Variants in ERMAP observed in about 807,000 individuals in gnomAD.
ERMAP encodes the protein erythroblast membrane associated protein (Scianna blood group).
A neutral mutation model predicts 49.5 loss-of-function variants in ERMAP; 34 were observed. The observed-to-expected ratio is 0.69, with a 90% confidence interval of 0.52 to 0.91. ERMAP has a LOEUF of 0.91. Among genes scored for constraint, ERMAP ranks in the 40% least tolerant of loss-of-function variants. ERMAP has a pLI of 0.00. For missense variants in ERMAP, 541 were observed against 582.6 expected (o/e 0.93, Z 0.74); for synonymous variants, 214 against 232.2 (o/e 0.92, Z 0.71).
rs1362727630 is a variant in ERMAP at position 42,825,507 on chromosome 1, CAG to C, written c.-121-115_-121-114del. ...TGTTCTTTTATCAGGGGCATACAGA[CAG>C]GGTGTGGCTTGCTGGTTTACAGGGA... is the stretch of plus-strand genomic sequence containing the variant. On this transcript the variant is annotated intron_variant, in intron 1 of 11. Transcript: ENST00000372517. 12 of 1,186,300 alleles carry C rather than the reference CAG, an allele frequency of 1.0e-5. No homozygotes were observed. In the African/African-American group the frequency reaches 1.9e-4, roughly 19 times the overall value. 73.5% of individuals were successfully genotyped at this position (1,186,300 alleles called of 1,614,324 possible).
intron 2 of ERMAP, among the ~76,000 whole-genome samples, chr1:42,828,787 C>T (rs1654629449): frequency 1.3e-5 from 2 of 152,128 alleles, no homozygotes; most frequent in African/African-American, 2.4e-5. Context: ...CATGAGCTAC[C>T]ATGCCCAGCC....
At chr1:42,831,731 ACTACCATGT>A (rs1654748126) in intron 4 of ERMAP, among the ~76,000 whole-genome samples, 1 of 151,496 alleles carries the variant, frequency 6.6e-6, no homozygotes, top group South Asian at 2.1e-4. Flanking sequence ...CTACACATAC[ACTACCATGT>A]CTGGTTAATT....
At chr1:42,840,948 G>A (rs372696746) in intron 11 of ERMAP, among the ~76,000 whole-genome samples, 1 of 152,214 alleles carries the variant, frequency 6.6e-6, no homozygotes, top group Non-Finnish European at 1.5e-5. Context: ...AATGGGTTGA[G>A]CAGATGCCCC....
rs35932547 is a variant in ERMAP, at chr1:42,839,330, G to C, written c.637+409G>C. 8.3e-3 allele frequency: 1,669 copies of C among 200,696 alleles called. 23 individuals carry two copies. Among genetic ancestry groups the C allele is most frequent in the African/African-American group, 0.037 (1,580 of 43,186 alleles). 12.4% of individuals were successfully genotyped at this position (200,696 alleles called of 1,614,324 possible). On this transcript the variant is annotated intron_variant, in intron 8 of 11. Transcript: ENST00000372517. ...TCTTTTTAACATTAAAAAAAAATCTGGCCAGGTGCAGTGGCTCATGCCTAT... is the reference window on the plus strand; with the variant it reads ...TCTTTTTAACATTAAAAAAAAATCTCGCCAGGTGCAGTGGCTCATGCCTAT...
At chr1:42,840,105 C>A in intron 9 of ERMAP, 47 bp from the exon 10 acceptor site, 1 of 1,614,152 alleles carries the variant, frequency 6.2e-7, no homozygotes, top group Non-Finnish European at 8.5e-7. Flanking sequence ...TCCTGTTGCC[C>A]TAATATTTGC....
At position 42,843,496 on chromosome 1, in the gene ERMAP, A is replaced by G. The variant is rs7552363; in HGVS notation, c.*264A>G. 7.3e-3 allele frequency: 2,633 copies of G among 361,426 alleles called. 69 individuals carry two copies. Among genetic ancestry groups the G allele is most frequent in the African/African-American group, 0.052 (2,477 of 47,684 alleles). The allele number at this position is 361,426 out of a possible 1,614,324, so 22.4% of individuals were successfully genotyped here. A position where few individuals can be genotyped will look rare whatever the true frequency, so the allele number is the denominator to read the frequency against. On this transcript the variant is annotated 3_prime_UTR_variant, in exon 12 of 12. Coordinates refer to ENST00000372517, the MANE Select transcript of ERMAP (RefSeq NM_001017922.2). ...TTAGGTGCAGGTGGAGATGTTGAAT[A>G]TGTGTTACCAAGATACAGCACAGGT...
At chr1:42,832,544 T>C (rs572460721) in intron 4 of ERMAP, among the ~76,000 whole-genome samples, 2 of 152,154 alleles carry the variant, frequency 1.3e-5, no homozygotes, top group South Asian at 4.1e-4. Context: ...TTTTTGTATT[T>C]TTAGTAGAGA....
At chr1:42,831,834 C>A (rs1413211482) in intron 4 of ERMAP, among the ~76,000 whole-genome samples, 1 of 151,978 alleles carries the variant, frequency 6.6e-6, no homozygotes, top group Non-Finnish European at 1.5e-5. Flanking sequence ...CGCTTGGCCT[C>A]CCAAAGTATT....
intron 1 of ERMAP, 192 bp from the exon 2 acceptor site, chr1:42,825,431 G>C: frequency 1.8e-6 from 2 of 1,098,532 alleles, no homozygotes; most frequent in Non-Finnish European, 2.2e-6. Context: ...CCTCCTACCC[G>C]GTCAGTCATA....
At chr1:42,834,467 T>C (rs553703812) in intron 4 of ERMAP, among the ~76,000 whole-genome samples, 7 of 152,324 alleles carry the variant, frequency 4.6e-5, no homozygotes, top group African/African-American at 1.4e-4. Context: ...GATGAGATTG[T>C]GGTCAAGAAG....
At chr1:42,824,134 G>A (rs1654472838) in intron 1 of ERMAP, among the ~76,000 whole-genome samples, 1 of 152,054 alleles carries the variant, frequency 6.6e-6, no homozygotes, top group African/African-American at 2.4e-5. Context: ...CACAAGGTCA[G>A]GAGATCAAGA....
chr1:42,824,866 C>T (rs574967379), intron 1 of ERMAP: 6 of 152,260 alleles, frequency 3.9e-5, no homozygotes, highest in African/African-American at 1.4e-4. Context: ...GTAGAAAGCC[C>T]CAAGACAGGC....
chr1:42,817,372 C>T (rs1175614980), intron 1 of ERMAP, 119 bp downstream of exon 1: 2 of 603,018 alleles, frequency 3.3e-6, no homozygotes, highest in Non-Finnish European at 4.3e-6. Flanking sequence ...AGGCTTCCGC[C>T]CGCAGGAGCG....
At position 42,831,037 on chromosome 1, in the gene ERMAP, G is replaced by A. The variant is rs910840430; in HGVS notation, c.355G>A (p.Glu119Lys). The A allele has an allele frequency of 6.2e-7, 1 of 1,614,200 alleles. No individual in the cohort carries two copies. The highest frequency in any genetic ancestry group is 8.5e-7 in the Non-Finnish European group (1 of 1,180,012). The change falls in exon 4 of 12, where the codon GAG becomes AAG. Residue 119 changes from glutamate (E) to lysine (K), a missense_variant. By Grantham distance (56) the Glu-to-Lys change is moderately conservative. Transcript: ENST00000372517. ...VTLQILDVRLEDQGSYRCLIQ... is the reference protein window; with the variant it reads ...VTLQILDVRLKDQGSYRCLIQ... ...TCTGCAGATCCTTGACGTGCGCCTT[G>A]AGGACCAAGGGTCTTACCGATGTCT... is the stretch of plus-strand genomic sequence containing the variant.
Position 42,841,250 on chromosome 1 carries a change from G to C in ERMAP, c.712+954G>C, listed in dbSNP as rs1207223908. Among the ~76,000 whole-genome samples, 3 of 152,156 alleles carry C rather than the reference G, an allele frequency of 2.0e-5. No individual in the cohort carries two copies. In the East Asian group the frequency reaches 5.8e-4, roughly 29 times the overall value. ...CTGGCTTATTGCCACCATCTCAACTGTGTATGGTTTATAGACTTAACTCTC... is the reference window on the plus strand; with the variant it reads ...CTGGCTTATTGCCACCATCTCAACTCTGTATGGTTTATAGACTTAACTCTC... On this transcript the variant is annotated intron_variant, in intron 11 of 11. Transcript: ENST00000372517.
intron 11 of ERMAP, 27 bp from the exon 12 acceptor site, chr1:42,842,490 G>T: frequency 1.3e-6 from 2 of 1,590,090 alleles, no homozygotes; most frequent in Non-Finnish European, 1.7e-6. Context: ...ATACTTCCAA[G>T]CCTCACCTGT....
intron 1 of ERMAP, among the ~76,000 whole-genome samples, chr1:42,818,205 CTG>C (rs1407290932): frequency 6.6e-6 from 1 of 152,236 alleles, no homozygotes; most frequent in Admixed American, 6.5e-5. Flanking sequence ...TCCAGTCAAA[CTG>C]TAAATCGTTA....
intron 2 of ERMAP, among the ~76,000 whole-genome samples, chr1:42,826,955 T>C (rs144970907): frequency 2.0e-5 from 3 of 152,146 alleles, no homozygotes; most frequent in Non-Finnish European, 4.4e-5. Context: ...CTGTCACTTA[T>C]AGCAATGTTT....
At chr1:42,830,173 C>T (rs1015266411) in intron 2 of ERMAP, 6 of 472,170 alleles carry the variant, frequency 1.3e-5, no homozygotes, top group Non-Finnish European at 2.3e-5. Context: ...AACACGCCAG[C>T]CTCTGTGTGA....
Sources: allele counts gnomAD v4.1 joint callset (sites outside exome capture counted in the v4.1 genomes callset), GRCh38; gene constraint gnomAD v4.1.1; transcripts MANE v1.5; gene names NCBI Gene and HGNC (gene_info 2026-07-23, HGNC 2026-07-21).